RCBTB2: variants seen among roughly 807,000 people sequenced by gnomAD.
The protein encoded by RCBTB2 is RCC1 and BTB domain-containing protein 2.
RCBTB2 carries 55 observed loss-of-function variants against 65.4 expected under a neutral mutation model. The observed-to-expected ratio is 0.84, with a 90% CI of 0.68 to 1.05. The LOEUF (loss-of-function observed/expected upper bound fraction) is 1.05. RCBTB2 is among the 50% of genes least tolerant of loss of function. The probability of loss-of-function intolerance (pLI) is 0.00; values close to 1 mark genes in which losing one functional copy is unlikely to be tolerated. For missense variants in RCBTB2, 599 were observed against 680.1 expected (o/e 0.88, Z 1.33); for synonymous variants, 220 against 255.2 (o/e 0.86, Z 1.31).
At chr13:48,492,347 C>T (rs770380355) in intron 14 of RCBTB2, 7 of 152,438 alleles carry the variant, frequency 4.6e-5, no homozygotes, top group Non-Finnish European at 1.0e-4. Context: ...CCAACTGTCC[C>T]CTGCATCACT....
At chr13:48,499,567 AC>A in intron 13 of RCBTB2, 53 bp downstream of exon 13, 1 of 1,585,820 alleles carries the variant, frequency 6.3e-7, no homozygotes, top group East Asian at 2.2e-5. Context: ...TATAGAAACC[AC>A]CTTGTCAGTT....
chr13:48,522,439 G>GA (rs1951481690), intron 2 of RCBTB2, 36 bp from the exon 3 acceptor site: 2 of 918,028 alleles, frequency 2.2e-6, no homozygotes, highest in South Asian at 1.5e-5. Context: ...TGAAAATGAT[G>GA]AAAAAAATGA....
chr13:48,515,246 A>C lies in RCBTB2; in HGVS notation c.308T>G (p.Leu103Arg), dbSNP rs149613565. The change falls in exon 6 of 15, where the codon CTC (leucine) becomes CGC (arginine). Residue 103 changes from leucine to arginine, a missense_variant. Transcript: ENST00000344532. ...DSLNGKKIAC[L>R]SYGSGPHIVL... is the part of the protein sequence containing the mutation. Reference sequence around the variant, plus strand: ...AATATGTGGACCACTCCCATAGCTGAGGCAGGCTATTTTTTTGCCATTTAA... The same window carrying C: ...AATATGTGGACCACTCCCATAGCTGCGGCAGGCTATTTTTTTGCCATTTAA... The C allele has an allele frequency of 2.5e-5, 40 of 1,614,032 alleles. No homozygotes were observed. The highest frequency in any genetic ancestry group is 1.2e-4 in the Admixed American group (7 of 59,998).
rs560979087 is a variant in RCBTB2, at chr13:48,498,520, C to T, written c.1384+1101G>A. On this transcript the variant is annotated intron_variant, in intron 13 of 14. Coordinates refer to ENST00000344532, the MANE Select transcript of RCBTB2 (RefSeq NM_001268.4). ...CCAAGATGGGCGGATCACCTGAGGTCGGGAGTTCAAGACCAGCCTGACCAA... is the reference window on the plus strand; with the variant it reads ...CCAAGATGGGCGGATCACCTGAGGTTGGGAGTTCAAGACCAGCCTGACCAA... 3.6e-3 allele frequency among the ~76,000 whole-genome samples: 541 copies of T among 152,020 alleles called. 6 individuals are homozygous for T. The highest frequency in any genetic ancestry group is 0.012 in the African/African-American group (511 of 41,454).
intron 1 of RCBTB2, among the ~76,000 whole-genome samples, chr13:48,528,961 C>T (rs1411949502): frequency 1.3e-5 from 2 of 152,126 alleles, no homozygotes; most frequent in African/African-American, 4.8e-5. Context: ...AACCCTGTTG[C>T]TATTTTAATT....
chr13:48,535,647 A>T (rs1952353423), upstream of RCBTB2: 1 of 456,504 alleles, frequency 2.2e-6, no homozygotes, highest in South Asian at 1.5e-5. Context: ...TGACCTCAGA[A>T]TTGCTAAATC....
At chr13:48,501,635 G>T in intron 12 of RCBTB2, 107 bp downstream of exon 12, 1 of 871,226 alleles carries the variant, frequency 1.1e-6, no homozygotes, top group Non-Finnish European at 1.8e-6. Context: ...AGCAAAAACA[G>T]CCTTACAATT....
intron 1 of RCBTB2, among the ~76,000 whole-genome samples, chr13:48,526,532 A>G (rs1420161851): frequency 1.3e-5 from 2 of 151,784 alleles, no homozygotes; most frequent in African/African-American, 4.8e-5. Context: ...TCTTATCTCA[A>G]AAAATAAAAA....
At chr13:48,535,672 CA>C (rs1431268439), upstream of RCBTB2, 1 of 456,596 alleles carries the variant, frequency 2.2e-6, no homozygotes, top group South Asian at 1.5e-5. Context: ...GTTACTTTTC[CA>C]TTATCTCACC....
upstream of RCBTB2, among the ~76,000 whole-genome samples, chr13:48,534,563 T>C (rs1952331329): frequency 6.6e-6 from 1 of 152,232 alleles, no homozygotes; most frequent in African/African-American, 2.4e-5. Context: ...AGCTGAAGCC[T>C]GACAATTAGC....
intron 10 of RCBTB2, among the ~76,000 whole-genome samples, chr13:48,504,673 G>A (rs921874413): frequency 2.1e-4 from 32 of 152,168 alleles, no homozygotes; most frequent in African/African-American, 6.8e-4. Context: ...AGCACATAAC[G>A]TGGTGTCTTA....
chr13:48,495,566 T>C (rs1313362341), intron 14 of RCBTB2, among the ~76,000 whole-genome samples: 1 of 152,222 alleles, frequency 6.6e-6, no homozygotes, highest in African/African-American at 2.4e-5. Context: ...AAATCCATGA[T>C]TAATTCCTCA....
At chr13:48,490,293 C>T in intron 14 of RCBTB2, 42 bp from the exon 15 acceptor site, 2 of 1,549,532 alleles carry the variant, frequency 1.3e-6, no homozygotes, top group African/African-American at 1.4e-5. Context: ...TTCATATTTA[C>T]TAATTCAATG....
At chr13:48,531,441 G>C (rs1350611146) in intron 1 of RCBTB2, among the ~76,000 whole-genome samples, 2 of 152,220 alleles carry the variant, frequency 1.3e-5, no homozygotes, top group African/African-American at 4.8e-5. Context: ...AGTTTGGAGA[G>C]CCAGACATTT....
intron 1 of RCBTB2, among the ~76,000 whole-genome samples, chr13:48,525,263 T>G (rs1009178001): frequency 2.7e-5 from 4 of 150,654 alleles, no homozygotes; most frequent in Non-Finnish European, 5.9e-5. Flanking sequence ...ATTTGTAACA[T>G]GCATAATGGA....
chr13:48,533,083 G>T (rs765683315), upstream of RCBTB2: 13 of 452,718 alleles, frequency 2.9e-5, no homozygotes, highest in Non-Finnish European at 4.9e-5. Context: ...GTTACTGCAC[G>T]GTCAGGGGCC....
upstream of RCBTB2, among the ~76,000 whole-genome samples, chr13:48,535,348 C>T (rs780073419): frequency 1.3e-5 from 2 of 151,768 alleles, no homozygotes; most frequent in Non-Finnish European, 2.9e-5. Context: ...CTCCACCTCC[C>T]GGGTTCAGGT....
chr13:48,512,036 C>G lies in RCBTB2; in HGVS notation c.655G>C (p.Ala219Pro), dbSNP rs1225800819. ...CTTACCTCCCCCGTGTCTACTACTG[C>G]CATGCAGCACATCTGCCCACATGCT... is the stretch of plus-strand genomic sequence containing the variant. ...TIACGQMCCM[A>P]VVDTGEVYVW... The change falls in exon 8 of 15, where the codon GCA becomes CCA. Residue 219 changes from alanine (A) to proline (P), a missense_variant. Transcript: ENST00000344532. 6.2e-7 allele frequency: 1 copy of G among 1,614,028 alleles called. No individual in the cohort carries two copies. The highest frequency in any genetic ancestry group is 8.5e-7 in the Non-Finnish European group (1 of 1,179,902).
chr13:48,525,264 G>A (rs73486816), intron 1 of RCBTB2, among the ~76,000 whole-genome samples: 5,457 of 150,572 alleles, frequency 0.036, 337 homozygotes, highest in African/African-American at 0.13. Context: ...TTTGTAACAT[G>A]CATAATGGAC....
Sources: gnomAD v4.1 joint callset for allele counts (sites outside exome capture counted in the v4.1 genomes callset) on GRCh38, gnomAD v4.1.1 for gene constraint, MANE v1.5 for transcripts, NCBI Gene and HGNC (gene_info 2026-07-23, HGNC 2026-07-21) for gene names.